Variants in SECISBP2L observed in about 807,000 individuals in gnomAD.
The protein encoded by SECISBP2L is SECIS binding protein 2 like.
Under a neutral mutation model 114.7 loss-of-function variants are expected in SECISBP2L, and 43 were observed. The ratio of observed to expected loss-of-function variants is 0.38; its 90% confidence interval spans 0.29 to 0.48. SECISBP2L has a LOEUF of 0.48. SECISBP2L is among the 20% of genes least tolerant of loss of function. The pLI is 0.98. For synonymous variants in SECISBP2L, 451 were observed against 439.7 expected (o/e 1.03, Z -0.32); for missense variants, 1,136 against 1,301.1 (o/e 0.87, Z 1.95).
At chr15:49,002,160 T>A (rs1223924237) in intron 14 of SECISBP2L, among the ~76,000 whole-genome samples, 1 of 152,252 alleles carries the variant, frequency 6.6e-6, no homozygotes, top group African/African-American at 2.4e-5. Flanking sequence ...CTAACTGGCA[T>A]GAGATGGTAT....
intron 7 of SECISBP2L, among the ~76,000 whole-genome samples, chr15:49,023,807 A>G (rs1175855736): frequency 1.3e-5 from 2 of 151,468 alleles, no homozygotes; most frequent in African/African-American, 4.8e-5. Context: ...TTATGTAAAG[A>G]AAGAACAAAA....
In SECISBP2L at chr15:49,012,776, T is replaced by G. The variant is rs766935688; in HGVS notation, c.1603A>C (p.Arg535=). 1.3e-5 allele frequency: 21 copies of G among 1,613,786 alleles called. No individual in the cohort carries two copies. The highest frequency in any genetic ancestry group is 1.7e-5 in the Non-Finnish European group (20 of 1,179,942). The change falls in exon 12 of 18, where the codon AGA becomes CGA. Residue 535 remains arginine (R), a synonymous_variant. Coordinates refer to ENST00000559471, the MANE Select transcript of SECISBP2L (RefSeq NM_001193489.2). ...GGCTGACTTTTGGTTAAAGGTTTTC[T>G]ATTAGTAGAGTCTTTAGTGTGAAAA... ...ASFHTKDSTN[R]KPLTKSQPCL... is the part of the protein sequence containing the mutation.
chr15:48,989,139 T>G lies in SECISBP2L; in HGVS notation c.*3105A>C, dbSNP rs1335178636. ...ATACATGACAAGGGTGTTTTTTTTT[T>G]TTAAGCAAACAGCAGCTTTACAAAC... On this transcript the variant is annotated 3_prime_UTR_variant, in exon 18 of 18. Transcript: ENST00000559471. The G allele has an allele frequency of 2.6e-5, 4 of 152,450 alleles. No homozygotes were observed. The highest frequency in any genetic ancestry group is 9.7e-5 in the African/African-American group (4 of 41,402). The allele number at this position is 152,450 out of a possible 1,614,324, so 9.4% of individuals were successfully genotyped here.
rs1235629419 is a variant in SECISBP2L at position 48,998,327 on chromosome 15, G to A, written c.2403+1506C>T. On this transcript the variant is annotated intron_variant, in intron 16 of 17. Coordinates refer to ENST00000559471, the MANE Select transcript of SECISBP2L (RefSeq NM_001193489.2). ...TATTGATTTTTGAAGAGTGGTGGGT[G>A]TTACCTATTAGTAGTGTAAAAAATA... Among the ~76,000 whole-genome samples the A allele has an allele frequency of 4.6e-5, 7 of 152,234 alleles. No homozygotes were observed. The East Asian group carries it at 1.3e-3, about 29-fold the overall frequency.
In SECISBP2L at chr15:48,999,979, C is replaced by T; in HGVS notation, c.2257G>A (p.Asp753Asn). 1 of 1,613,556 alleles carries T rather than the reference C, an allele frequency of 6.2e-7. No homozygotes were observed. Among genetic ancestry groups the T allele is most frequent in the Non-Finnish European group, 8.5e-7 (1 of 1,179,718 alleles). The change falls in exon 16 of 18, where the codon GAT (aspartate) becomes AAT (asparagine). Residue 753 changes from aspartate (D) to asparagine (N), a missense_variant. By Grantham distance (23) the Asp-to-Asn change is conservative. Coordinates refer to ENST00000559471, the MANE Select transcript of SECISBP2L (RefSeq NM_001193489.2). ...CEKIQSKGGLDEALYNVIAMA... is the reference protein window; with the variant it reads ...CEKIQSKGGLNEALYNVIAMA... ...GCTATAACATTATAGAGAGCCTCAT[C>T]CAGACCACCTGAGAAAATCAACACA...
At chr15:49,045,291 CACAT>C (rs1180502435) in intron 1 of SECISBP2L, among the ~76,000 whole-genome samples, 1 of 152,150 alleles carries the variant, frequency 6.6e-6, no homozygotes, top group Non-Finnish European at 1.5e-5. Flanking sequence ...TACATATAGA[CACAT>C]ACAGGAATTT....
chr15:49,038,102 ATG>A (rs1379141156), intron 1 of SECISBP2L, among the ~76,000 whole-genome samples: 1 of 152,192 alleles, frequency 6.6e-6, no homozygotes, highest in Non-Finnish European at 1.5e-5. Context: ...AGACAAAACA[ATG>A]TGTTTTTAAC....
Position 48,988,998 on chromosome 15 carries a change from G to A in SECISBP2L, c.*3246C>T, listed in dbSNP as rs1249733153. On this transcript the variant is annotated 3_prime_UTR_variant, in exon 18 of 18. Coordinates refer to ENST00000559471, the MANE Select transcript of SECISBP2L (RefSeq NM_001193489.2). Reference sequence around the variant, plus strand: ...GATGTATGTAAAGGTTGGAAGGGATGAGGGAGGAGGAAGATGTCTGTAAAT... The same window carrying A: ...GATGTATGTAAAGGTTGGAAGGGATAAGGGAGGAGGAAGATGTCTGTAAAT... 1 of 153,002 alleles carries A rather than the reference G, an allele frequency of 6.5e-6. No individual in the cohort carries two copies. Among genetic ancestry groups the A allele is most frequent in the Non-Finnish European group, 1.5e-5 (1 of 68,384 alleles). 9.5% of individuals were successfully genotyped at this position (153,002 alleles called of 1,614,324 possible).
At position 49,009,316 on chromosome 15, in the gene SECISBP2L, A is replaced by G; in HGVS notation, c.1927T>C (p.Cys643Arg). 1 of 1,614,154 alleles carries G rather than the reference A, an allele frequency of 6.2e-7. No individual in the cohort carries two copies. The highest frequency in any genetic ancestry group is 8.5e-7 in the Non-Finnish European group (1 of 1,180,004). ...GAGCCTTGTGACACAGGTGTCATAC[A>G]GTATGGAGAGTTCTGACTTGCTGGA... is the stretch of plus-strand genomic sequence containing the variant. ...LSPASQNSPYCMTPVSQGSPA... is the reference protein window; with the variant it reads ...LSPASQNSPYRMTPVSQGSPA... The change falls in exon 14 of 18, where the codon TGT becomes CGT. Residue 643 changes from cysteine (C) to arginine (R), a missense_variant. Cys to Arg is a radical substitution (Grantham distance 180, BLOSUM62 -3). This residue lies in a region of SECISBP2L where 684 missense variants were observed against 848.7 expected (regional missense o/e 0.81). Transcript: ENST00000559471.
At chr15:49,007,388 C>T (rs892472980) in intron 14 of SECISBP2L, among the ~76,000 whole-genome samples, 1 of 152,196 alleles carries the variant, frequency 6.6e-6, no homozygotes, top group Non-Finnish European at 1.5e-5. Context: ...GCTGAAGCTG[C>T]GTCCACAGCT....
intron 1 of SECISBP2L, among the ~76,000 whole-genome samples, chr15:49,040,065 C>T (rs1015677745): frequency 6.6e-6 from 1 of 152,168 alleles, no homozygotes; most frequent in African/African-American, 2.4e-5. Context: ...CATTCAAATT[C>T]TTGCTCAGCT....
chr15:49,035,872 G>A (rs1328091376), intron 2 of SECISBP2L, among the ~76,000 whole-genome samples: 1 of 152,070 alleles, frequency 6.6e-6, no homozygotes, highest in Non-Finnish European at 1.5e-5. Flanking sequence ...CAGTATAAAC[G>A]AACCCAACCT....
intron 3 of SECISBP2L, among the ~76,000 whole-genome samples, chr15:49,033,877 A>C (rs1902948382): frequency 6.6e-6 from 1 of 152,176 alleles, no homozygotes; most frequent in African/African-American, 2.4e-5. Flanking sequence ...CTCTTCCTTT[A>C]CTTTTAAAAA....
chr15:49,040,477 G>GCATCTGTT (rs1903100165), intron 1 of SECISBP2L, among the ~76,000 whole-genome samples: 1 of 148,134 alleles, frequency 6.8e-6, no homozygotes, highest in African/African-American at 2.5e-5. Flanking sequence ...TCAAAATGCA[G>GCATCTGTT]CATCTGTTGT....
At chr15:49,037,561 C>CA (rs772353690) in intron 2 of SECISBP2L, 30 bp downstream of exon 2, 2 of 1,597,944 alleles carry the variant, frequency 1.3e-6, no homozygotes, top group East Asian at 2.3e-5. Flanking sequence ...GCCACCCCCA[C>CA]AAAAAAGAAA....
Position 49,033,107 on chromosome 15 carries a change from TAAAAA to T in SECISBP2L, c.529-12_529-8del. On this transcript the variant is annotated splice_polypyrimidine_tract_variant and splice_region_variant and intron_variant, in intron 3 of 17. Coordinates refer to ENST00000559471, the MANE Select transcript of SECISBP2L (RefSeq NM_001193489.2). ...GCTGTTGTAAAAGCTGTTGCTGATT[TAAAAA>T]AAAAACAAAAAAACAAAAAACACAC... 2 of 1,408,064 alleles carry T rather than the reference TAAAAA, an allele frequency of 1.4e-6. No individual in the cohort carries two copies. Among genetic ancestry groups the T allele is most frequent in the Non-Finnish European group, 1.9e-6 (2 of 1,035,656 alleles). 87.2% of individuals were successfully genotyped at this position (1,408,064 alleles called of 1,614,324 possible).
At position 49,011,766 on chromosome 15, in the gene SECISBP2L, A is replaced by G. The variant is rs2141069048; in HGVS notation, c.1829T>C (p.Ile610Thr). The change falls in exon 13 of 18, where the codon ATT becomes ACT. Residue 610 changes from isoleucine (I) to threonine (T), a missense_variant. Around this residue, in one of 2 missense-constraint regions of SECISBP2L, gnomAD observed 684 missense variants for 848.7 expected, o/e 0.81. Transcript: ENST00000559471. ...EEPTEMHLDF[I>T]DDLPQEIVSQ... ...AACAATCTCCTGTGGCAAGTCATCA[A>G]TAAAATCTAAGTGCATTTCTGTTGG... 5 of 1,614,118 alleles carry G rather than the reference A, an allele frequency of 3.1e-6. No individual in the cohort carries two copies. In the East Asian group the frequency reaches 8.9e-5, roughly 29 times the overall value.
At chr15:49,043,813 T>C (rs1903189066) in intron 1 of SECISBP2L, among the ~76,000 whole-genome samples, 1 of 152,084 alleles carries the variant, frequency 6.6e-6, no homozygotes, top group Admixed American at 6.5e-5. Flanking sequence ...CAATTAAGAT[T>C]ATCCATCTAG....
At chr15:49,034,337 C>G (rs564218829) in intron 3 of SECISBP2L, among the ~76,000 whole-genome samples, 2 of 152,062 alleles carry the variant, frequency 1.3e-5, no homozygotes, top group African/African-American at 4.8e-5. Context: ...AATAAGGCTT[C>G]AACTGTAAAA....
Sources: allele counts gnomAD v4.1 joint callset (sites outside exome capture counted in the v4.1 genomes callset), GRCh38; gene constraint gnomAD v4.1.1; regional missense constraint gnomAD v4.1.1; transcripts MANE v1.5; gene names NCBI Gene and HGNC (gene_info 2026-07-23, HGNC 2026-07-21).